The following ADAMTS2 variants were observed in gnomAD, a reference collection of about 807,000 sequenced individuals.
The protein encoded by ADAMTS2 is A disintegrin and metalloproteinase with thrombospondin motifs 2.
A neutral mutation model predicts 123.0 loss-of-function variants in ADAMTS2; 50 were observed. The observed-to-expected ratio is 0.41, with a 90% CI of 0.32 to 0.51. The LOEUF (loss-of-function observed/expected upper bound fraction) is 0.51, where lower values mean the gene tolerates loss of function less well. Ranked by LOEUF, ADAMTS2 falls within the 20% of genes least tolerant of loss-of-function variation. ADAMTS2 has a pLI of 0.35. For synonymous variants in ADAMTS2, 678 were observed against 695.4 expected, an observed-to-expected ratio of 0.98 and a Z score of 0.39; for missense variants, 1,494 against 1,705.2, an observed-to-expected ratio of 0.88 and a Z score of 2.18.
At chr5:179,283,549 C>CCA (rs1554095015) in intron 2 of ADAMTS2, among the ~76,000 whole-genome samples, 1 of 51,344 alleles carries the variant, frequency 1.9e-5, no homozygotes, top group Non-Finnish European at 3.4e-5. Flanking sequence ...AGAAAAACAG[C>CCA]AAAAAAAAAA....
chr5:179,126,114 CT>C lies in ADAMTS2; in HGVS notation c.2633del (p.Lys878SerfsTer112). 6.2e-7 allele frequency: 1 copy of C among 1,613,310 alleles called. No homozygotes were observed. Among genetic ancestry groups the C allele is most frequent in the South Asian group, 1.1e-5 (1 of 91,086 alleles). On this transcript the variant is annotated frameshift_variant, in exon 18 of 22. Transcript: ENST00000251582. LOFTEE classifies it high-confidence loss of function. The part of the protein sequence containing the change: ...KPCGGGSQFT[K>X]YGCRRRLDHK... Reference sequence around the variant, plus strand: ...GGTCCAGCCTCCGGCGGCAGCCATACTTGGTGAACTGGGACCCTGAAGGCAG... The same window carrying C: ...GGTCCAGCCTCCGGCGGCAGCCATACTGGTGAACTGGGACCCTGAAGGCAG...
At position 179,328,482 on chromosome 5, in the gene ADAMTS2, C is replaced by T. The variant is rs373476936; in HGVS notation, c.534+15285G>A. On this transcript the variant is annotated intron_variant, in intron 2 of 21. Coordinates refer to ENST00000251582, the MANE Select transcript of ADAMTS2 (RefSeq NM_014244.5). ...GCAGGGGCTGTTGCCAGGAAGGGCGCGCCTTGAGGACAGCAATGCTGGGGC... is the reference window on the plus strand; with the variant it reads ...GCAGGGGCTGTTGCCAGGAAGGGCGTGCCTTGAGGACAGCAATGCTGGGGC... Among the ~76,000 whole-genome samples, 53 of 152,340 alleles carry T rather than the reference C, an allele frequency of 3.5e-4. No homozygotes were observed. In the South Asian group the frequency reaches 3.7e-3, roughly 11 times the overall value.
chr5:179,306,929 C>A (rs1380812164), intron 2 of ADAMTS2, among the ~76,000 whole-genome samples: 1 of 152,164 alleles, frequency 6.6e-6, no homozygotes, highest in Non-Finnish European at 1.5e-5. Flanking sequence ...CTGACAGGAG[C>A]ACAGCCTGAG....
At chr5:179,205,336 C>T (rs1199472069) in intron 4 of ADAMTS2, among the ~76,000 whole-genome samples, 4 of 152,216 alleles carry the variant, frequency 2.6e-5, no homozygotes, top group Admixed American at 2.0e-4. Context: ...AACAAAACCA[C>T]ATTTTATGTG....
intron 2 of ADAMTS2, among the ~76,000 whole-genome samples, chr5:179,288,573 C>A (rs1255714726): frequency 1.3e-5 from 2 of 152,206 alleles, no homozygotes; most frequent in African/African-American, 2.4e-5. Flanking sequence ...CACTGGTGAG[C>A]CCACACTGGT....
intron 10 of ADAMTS2, among the ~76,000 whole-genome samples, chr5:179,142,179 A>T (rs12515865): frequency 0.22 from 32,851 of 152,186 alleles, 3,722 homozygotes; most frequent in Non-Finnish European, 0.25. Context: ...GGGCACTGTC[A>T]AAAACAACAA....
At chr5:179,290,696 C>T (rs1421371807) in intron 2 of ADAMTS2, among the ~76,000 whole-genome samples, 2 of 152,220 alleles carry the variant, frequency 1.3e-5, no homozygotes, top group South Asian at 2.1e-4. Flanking sequence ...TGGGCCCCAG[C>T]CTCCCTCAGT....
At chr5:179,343,161 C>T (rs1757828522) in intron 2 of ADAMTS2, among the ~76,000 whole-genome samples, 1 of 152,210 alleles carries the variant, frequency 6.6e-6, no homozygotes, top group Non-Finnish European at 1.5e-5. Flanking sequence ...GCTAACTGGG[C>T]ATTTCAGCAT....
At position 179,189,506 on chromosome 5, in the gene ADAMTS2, C is replaced by T. The variant is rs2113332302; in HGVS notation, c.892-8351G>A. Among the ~76,000 whole-genome samples the T allele has an allele frequency of 9.4e-6, 1 of 106,236 alleles. No homozygotes were observed. The highest frequency in any genetic ancestry group is 2.3e-4 in the East Asian group (1 of 4,296). 69.7% of individuals were successfully genotyped at this position (106,236 alleles called of 152,430 possible). A position where few individuals can be genotyped will look rare whatever the true frequency, so the allele number is the denominator to read the frequency against. Reference sequence around the variant, plus strand: ...GGGGCTACAGGCGCCCGCCAGTGCGCCTGGTTTTTTTTTTTTTTTTTTTTT... The same window carrying T: ...GGGGCTACAGGCGCCCGCCAGTGCGTCTGGTTTTTTTTTTTTTTTTTTTTT... On this transcript the variant is annotated intron_variant, in intron 4 of 21. Coordinates refer to ENST00000251582, the MANE Select transcript of ADAMTS2 (RefSeq NM_014244.5). This position sits in a 1 kb window ranked among gnomAD's most constrained non-coding sequence, Gnocchi z 4.2.
At chr5:179,163,405 C>T (rs569021919) in intron 5 of ADAMTS2, among the ~76,000 whole-genome samples, 1 of 152,324 alleles carries the variant, frequency 6.6e-6, no homozygotes, top group South Asian at 2.1e-4. Context: ...CCGCCCAGTG[C>T]TGGCAGGAAC....
intron 3 of ADAMTS2, among the ~76,000 whole-genome samples, chr5:179,230,190 G>A (rs1203293773): frequency 6.6e-6 from 1 of 152,202 alleles, no homozygotes; most frequent in African/African-American, 2.4e-5. Context: ...GGGCAGGCTG[G>A]GCAGGGCTGG....
chr5:179,142,704 CAGGGTGACTGCATATGACCA>C (rs1348150456), intron 10 of ADAMTS2, among the ~76,000 whole-genome samples: 1 of 152,162 alleles, frequency 6.6e-6, no homozygotes, highest in Non-Finnish European at 1.5e-5. Context: ...GGGGTGCAGT[CAGGGTGACTGCATATGACCA>C]AGGCTGTGAC....
At chr5:179,198,763 G>T (rs1764489521) in intron 4 of ADAMTS2, among the ~76,000 whole-genome samples, 1 of 152,076 alleles carries the variant, frequency 6.6e-6, no homozygotes, top group South Asian at 2.1e-4. Flanking sequence ...GAACCTGAGA[G>T]GTGGCGGTTG....
chr5:179,341,738 C>T (rs1255447201), intron 2 of ADAMTS2, among the ~76,000 whole-genome samples: 1 of 129,490 alleles, frequency 7.7e-6, no homozygotes, highest in Non-Finnish European at 1.7e-5. Context: ...AAAAAGAAAA[C>T]AGAACCAATG....
chr5:179,250,617 C>T (rs1387894962), intron 3 of ADAMTS2, among the ~76,000 whole-genome samples: 1 of 152,194 alleles, frequency 6.6e-6, no homozygotes, highest in Non-Finnish European at 1.5e-5. Context: ...ATTTCCAGCC[C>T]AGCCCAGGCC....
chr5:179,343,196 T>C (rs1363759745), intron 2 of ADAMTS2, among the ~76,000 whole-genome samples: 1 of 152,132 alleles, frequency 6.6e-6, no homozygotes, highest in Admixed American at 6.5e-5. Context: ...TGGGCTGGTA[T>C]TACCCGCACG....
chr5:179,249,837 T>A (rs1185634098), intron 3 of ADAMTS2, among the ~76,000 whole-genome samples: 1 of 152,132 alleles, frequency 6.6e-6, no homozygotes, highest in East Asian at 1.9e-4. Context: ...TTAATATCCA[T>A]CTTTCTATGA....
chr5:179,303,889 G>A lies in ADAMTS2; in HGVS notation c.535-30825C>T, dbSNP rs78735853. Among the ~76,000 whole-genome samples the A allele has an allele frequency of 7.5e-3, 1,140 of 152,336 alleles. 17 individuals carry two copies. Among genetic ancestry groups the A allele is most frequent in the East Asian group, 0.069 (357 of 5,176 alleles). On this transcript the variant is annotated intron_variant, in intron 2 of 21. Coordinates refer to ENST00000251582, the MANE Select transcript of ADAMTS2 (RefSeq NM_014244.5). This position sits in a 1 kb window ranked among gnomAD's most constrained non-coding sequence, Gnocchi z 4.7. Reference sequence around the variant, plus strand: ...CAGAGAGATTTAACAAGGAGCCGCAGGAAACTGGACAGGGCTAGGAAGATG... The same window carrying A: ...CAGAGAGATTTAACAAGGAGCCGCAAGAAACTGGACAGGGCTAGGAAGATG...
At chr5:179,184,505 T>C (rs552253477) in intron 4 of ADAMTS2, among the ~76,000 whole-genome samples, 376 of 138,650 alleles carry the variant, frequency 2.7e-3, no homozygotes, top group African/African-American at 1.0e-2. Flanking sequence ...AGCAAGACTC[T>C]GTCTAAAAAA....
Sources: allele counts gnomAD v4.1 joint callset (sites outside exome capture counted in the v4.1 genomes callset), GRCh38; gene constraint gnomAD v4.1.1; non-coding constraint Gnocchi (gnomAD v3.1); transcripts MANE v1.5; gene names NCBI Gene and HGNC (gene_info 2026-07-23, HGNC 2026-07-21).